Variants in CGGBP1 observed in about 807,000 individuals in gnomAD.
CGGBP1 encodes CGG triplet repeat-binding protein 1.
A neutral mutation model predicts 11.4 loss-of-function variants in CGGBP1; 4 were observed. The ratio of observed to expected loss-of-function variants is 0.35; its 90% CI spans 0.17 to 0.80. CGGBP1 has a LOEUF of 0.80. Ranked by LOEUF, CGGBP1 falls within the 30% of genes least tolerant of loss-of-function variation. The pLI is 0.52. For synonymous variants in CGGBP1, 76 were observed against 74.1 expected (o/e 1.03, Z -0.13); for missense variants, 135 against 202.1 (o/e 0.67, Z 2.01).
chr3:88,130,160 T>G (rs1347585520), intron 2 of CGGBP1, among the ~76,000 whole-genome samples: 1 of 152,166 alleles, frequency 6.6e-6, no homozygotes, highest in East Asian at 1.9e-4. Flanking sequence ...ATCATGTAAT[T>G]TAAAATGTAA....
rs572255028 is a variant in CGGBP1, at chr3:88,114,412, G to A, written c.-229+26558C>T. Reference sequence around the variant, plus strand: ...GTATGAAAAACATAACATTTGTGAAGGGATATATCCTTTATTTTTTCCCTT... The same window carrying A: ...GTATGAAAAACATAACATTTGTGAAAGGATATATCCTTTATTTTTTCCCTT... On this transcript the variant is annotated intron_variant, in intron 2 of 3. Transcript: ENST00000462901. 2.4e-4 allele frequency among the ~76,000 whole-genome samples: 37 copies of A among 152,242 alleles called. 1 individual carries two copies. The highest frequency in any genetic ancestry group is 8.4e-4 in the African/African-American group (35 of 41,544).
intron 2 of CGGBP1, among the ~76,000 whole-genome samples, chr3:88,078,454 G>T (rs969465810): frequency 5.9e-5 from 9 of 152,098 alleles, no homozygotes; most frequent in African/African-American, 2.2e-4. Flanking sequence ...GGTAGGGGGT[G>T]GGACAGGAAG....
chr3:88,121,676 A>G (rs909925489), intron 2 of CGGBP1, among the ~76,000 whole-genome samples: 12 of 152,292 alleles, frequency 7.9e-5, no homozygotes, highest in African/African-American at 2.2e-4. Context: ...GAGATAACCA[A>G]TCAATGTGTA....
intron 1 of CGGBP1, among the ~76,000 whole-genome samples, chr3:88,148,314 C>T (rs1707345633): frequency 6.6e-6 from 1 of 152,142 alleles, no homozygotes; most frequent in East Asian, 1.9e-4. Context: ...CAATAACTGG[C>T]AAGTAGGTGC....
intron 2 of CGGBP1, among the ~76,000 whole-genome samples, chr3:88,096,499 A>G (rs1704068694): frequency 6.6e-6 from 1 of 152,082 alleles, no homozygotes; most frequent in Non-Finnish European, 1.5e-5. Flanking sequence ...TTTAGCCAAA[A>G]CTAACCAGAA....
At chr3:88,075,519 A>G (rs1403933766) in intron 2 of CGGBP1, among the ~76,000 whole-genome samples, 1 of 152,212 alleles carries the variant, frequency 6.6e-6, no homozygotes, top group Non-Finnish European at 1.5e-5. Flanking sequence ...CTGTGCTTTT[A>G]GGAGCCCAGT....
At position 88,136,354 on chromosome 3, in the gene CGGBP1, A is replaced by G. The variant is rs947790018; in HGVS notation, c.-229+4616T>C. Among the ~76,000 whole-genome samples the G allele has an allele frequency of 3.6e-4, 55 of 152,320 alleles. 1 individual carries two copies. The highest frequency in any genetic ancestry group is 1.2e-3 in the African/African-American group (50 of 41,574). ...TATAAAAGGAAAATTCAAAGATGAA[A>G]TAAGAATTAAAAATATGATGCTTAA... is the stretch of plus-strand genomic sequence containing the variant. On this transcript the variant is annotated intron_variant, in intron 2 of 3. Transcript: ENST00000462901.
chr3:88,125,577 C>T (rs1010278633), intron 2 of CGGBP1, among the ~76,000 whole-genome samples: 3 of 151,960 alleles, frequency 2.0e-5, no homozygotes, highest in African/African-American at 7.2e-5. Flanking sequence ...TTTTTTTAAT[C>T]CCAGAACTGC....
At chr3:88,065,131 T>A (rs572566960) in intron 2 of CGGBP1, among the ~76,000 whole-genome samples, 14 of 152,258 alleles carry the variant, frequency 9.2e-5, no homozygotes, top group Non-Finnish European at 1.5e-4. Flanking sequence ...TAAAAAGTTT[T>A]CAAATTTTGG....
chr3:88,135,043 T>C, intron 2 of CGGBP1: 1 of 1,364,378 alleles, frequency 7.3e-7, no homozygotes, highest in Non-Finnish European at 9.5e-7. Context: ...GATAATTCTC[T>C]TTTTTTCTCA....
At chr3:88,063,489 C>G (rs1316731160), upstream of CGGBP1, among the ~76,000 whole-genome samples, 8 of 152,084 alleles carry the variant, frequency 5.3e-5, no homozygotes, top group African/African-American at 1.9e-4. Flanking sequence ...AAATTTGTCT[C>G]AGGAAGAAAC....
chr3:88,113,047 G>A lies in CGGBP1; in HGVS notation c.-229+27923C>T. On this transcript the variant is annotated intron_variant, in intron 2 of 3. Transcript: ENST00000462901. ...ATATTGATATTAGATAGCTGATACT[G>A]TTTGATAATCTTTTAATTGGAGCAA... is the stretch of plus-strand genomic sequence containing the variant. The A allele has an allele frequency of 4.5e-6, 5 of 1,122,124 alleles. No homozygotes were observed. In the South Asian group the frequency reaches 7.2e-5, roughly 16 times the overall value. The allele number at this position is 1,122,124 out of a possible 1,614,324, so 69.5% of individuals were successfully genotyped here.
In CGGBP1 at chr3:88,055,985, T is replaced by TA; in HGVS notation, c.-10dup. 6.3e-7 allele frequency: 1 copy of TA among 1,586,832 alleles called. No individual in the cohort carries two copies. Among genetic ancestry groups the TA allele is most frequent in the East Asian group, 2.2e-5 (1 of 44,608 alleles). ...ACTACAAATCGCTCCATTCTGACTC[T>TA]AAATAAATATGGTTCTTTCAAGACA... On this transcript the variant is annotated 5_prime_UTR_variant, in exon 4 of 4. Transcript: ENST00000482016. The surrounding 1 kb of genome is among the most constrained non-coding windows in gnomAD (Gnocchi z 4.2).
At position 88,066,578 on chromosome 3, in the gene CGGBP1, AC is replaced by A. The variant is rs201811678; in HGVS notation, c.-228-8356del. ...CTGTGTAAAACAAACAAACAAACAA[AC>A]AAAAAAAACAAAAAAACCTCAATTT... On this transcript the variant is annotated intron_variant, in intron 2 of 3. Coordinates refer to the CGGBP1 transcript ENST00000462901. Among the ~76,000 whole-genome samples, 251 of 148,658 alleles carry A rather than the reference AC, an allele frequency of 1.7e-3. 2 individuals carry two copies. Among genetic ancestry groups the A allele is most frequent in the East Asian group, 3.4e-3 (17 of 5,060 alleles).
chr3:88,143,615 C>T (rs535799017), intron 1 of CGGBP1: 1 of 152,190 alleles, frequency 6.6e-6, no homozygotes, highest in South Asian at 2.1e-4. Flanking sequence ...TGATATAAAT[C>T]CATGCCCACA....
chr3:88,138,877 G>C, intron 2 of CGGBP1: 1 of 1,231,990 alleles, frequency 8.1e-7, no homozygotes, highest in Non-Finnish European at 1.0e-6. Flanking sequence ...TTTCTGGAGC[G>C]CTCCTTAGAA....
chr3:88,141,143 T>C (rs1707105405), intron 1 of CGGBP1: 2 of 1,400,598 alleles, frequency 1.4e-6, no homozygotes, highest in Non-Finnish European at 1.9e-6. Flanking sequence ...AAAATTGATA[T>C]TTGTGTAGCA....
At chr3:88,105,350 A>C (rs1216809434) in intron 2 of CGGBP1, among the ~76,000 whole-genome samples, 3 of 152,066 alleles carry the variant, frequency 2.0e-5, no homozygotes, top group Non-Finnish European at 2.9e-5. Context: ...TTCCAAATTC[A>C]TTTTTTACAA....
At chr3:88,069,649 G>A (rs906229826) in intron 2 of CGGBP1, among the ~76,000 whole-genome samples, 4 of 152,184 alleles carry the variant, frequency 2.6e-5, no homozygotes, top group Admixed American at 1.3e-4. Context: ...CTGCTACTTA[G>A]ATGGAGAGTC....
Sources: allele counts gnomAD v4.1 joint callset (sites outside exome capture counted in the v4.1 genomes callset), GRCh38; gene constraint gnomAD v4.1.1; non-coding constraint Gnocchi (gnomAD v3.1); transcripts MANE v1.5; gene names NCBI Gene and HGNC (gene_info 2026-07-23, HGNC 2026-07-21).